Variants in IMMP2L observed in about 807,000 individuals in gnomAD.
The protein encoded by IMMP2L is mitochondrial inner membrane protease subunit 2.
A neutral mutation model predicts 19.3 loss-of-function variants in IMMP2L; 18 were observed. The ratio of observed to expected loss-of-function variants is 0.93; its 90% confidence interval spans 0.64 to 1.38. The LOEUF (loss-of-function observed/expected upper bound fraction) is 1.38. Ranked by LOEUF, IMMP2L falls within the 40% of genes most tolerant of loss-of-function variation. The pLI, the probability that IMMP2L is intolerant of heterozygous loss-of-function variation, is 0.00. For missense variants in IMMP2L, 233 were observed against 218.2 expected, an observed-to-expected ratio of 1.07 and a Z score of -0.43; for synonymous variants, 76 against 73.0, an observed-to-expected ratio of 1.04 and a Z score of -0.21.
At chr7:111,322,319 T>TTGACC (rs1206405270) in intron 3 of IMMP2L, among the ~76,000 whole-genome samples, 1 of 151,952 alleles carries the variant, frequency 6.6e-6, no homozygotes, top group African/African-American at 2.4e-5. Context: ...TGAGGTCGAA[T>TTGACC]TGACCCCATG....
rs536066112 is a variant in IMMP2L, at chr7:110,848,970, T to C, written c.408+37623A>G. On this transcript the variant is annotated intron_variant, in intron 5 of 5. Transcript: ENST00000405709. The stretch of plus-strand genomic sequence containing the variant: ...AGGGATTTTTAGGGCAGTGAAACTA[T>C]TCTGTATGATACCACAATGAGGGAT... Among the ~76,000 whole-genome samples, 16 of 152,234 alleles carry C rather than the reference T, an allele frequency of 1.1e-4. 1 individual carries two copies. The South Asian group carries it at 2.1e-3, about 20-fold the overall frequency.
rs142227571 is a variant in IMMP2L, at chr7:111,303,700, C to T, written c.239+183538G>A. On this transcript the variant is annotated intron_variant, in intron 3 of 5. Transcript: ENST00000405709. Reference sequence around the variant, plus strand: ...GAGTTGACAGTTTTTGAATATTAAGCTTCCCAAAGATATGGGCTTCACACA... The same window carrying T: ...GAGTTGACAGTTTTTGAATATTAAGTTTCCCAAAGATATGGGCTTCACACA... 3.6e-3 allele frequency among the ~76,000 whole-genome samples: 548 copies of T among 152,152 alleles called. 8 individuals carry two copies. The highest frequency in any genetic ancestry group is 0.012 in the African/African-American group (493 of 41,524).
chr7:111,475,932 A>G (rs1841681466), intron 3 of IMMP2L, among the ~76,000 whole-genome samples: 1 of 152,122 alleles, frequency 6.6e-6, no homozygotes, highest in Admixed American at 6.6e-5. Flanking sequence ...GTGCCAATAT[A>G]GCTCTTCTTT....
chr7:111,295,841 A>G (rs939007466), intron 3 of IMMP2L, among the ~76,000 whole-genome samples: 12 of 151,834 alleles, frequency 7.9e-5, no homozygotes, highest in Non-Finnish European at 1.0e-4. Context: ...GAGGTTCGAT[A>G]ATAAAAATGT....
intron 3 of IMMP2L, among the ~76,000 whole-genome samples, chr7:111,314,401 C>CA (rs1823830117): frequency 6.6e-6 from 1 of 151,984 alleles, no homozygotes; most frequent in South Asian, 2.1e-4. Flanking sequence ...GTTAGACAGG[C>CA]AAAAGGTGAG....
chr7:111,204,947 A>C (rs890967618), intron 3 of IMMP2L, among the ~76,000 whole-genome samples: 1 of 152,202 alleles, frequency 6.6e-6, no homozygotes, highest in African/African-American at 2.4e-5. Flanking sequence ...ATCTTAGTCC[A>C]TTCCTCCTGC....
intron 5 of IMMP2L, among the ~76,000 whole-genome samples, chr7:110,810,361 A>G (rs1801952704): frequency 1.3e-5 from 2 of 152,100 alleles, no homozygotes; most frequent in South Asian, 4.1e-4. Flanking sequence ...CTGAAGAAAT[A>G]GTTATAATCA....
intron 3 of IMMP2L, among the ~76,000 whole-genome samples, chr7:111,199,651 T>A (rs2129615019): frequency 6.6e-6 from 1 of 152,298 alleles, no homozygotes; most frequent in East Asian, 1.9e-4. Flanking sequence ...AAGCTTTATC[T>A]TTCACTATCA....
intron 3 of IMMP2L, among the ~76,000 whole-genome samples, chr7:111,320,906 T>C (rs1227660750): frequency 2.6e-5 from 4 of 152,008 alleles, no homozygotes; most frequent in Non-Finnish European, 5.9e-5. Context: ...AAGCAACTTA[T>C]TCATATTTGT....
intron 3 of IMMP2L, among the ~76,000 whole-genome samples, chr7:111,321,319 C>G: frequency 6.6e-6 from 1 of 151,842 alleles, no homozygotes; most frequent in East Asian, 1.9e-4. Flanking sequence ...GAATTATAAT[C>G]AAAATCCTGC....
intron 1 of IMMP2L, among the ~76,000 whole-genome samples, chr7:111,554,890 T>C (rs907461336): frequency 7.9e-5 from 12 of 152,096 alleles, no homozygotes; most frequent in African/African-American, 2.7e-4. Flanking sequence ...CTGGTGCTGC[T>C]TTATTTATAT....
chr7:110,862,753 T>C (rs1807579506), intron 5 of IMMP2L, among the ~76,000 whole-genome samples: 1 of 152,072 alleles, frequency 6.6e-6, no homozygotes, highest in South Asian at 2.1e-4. Context: ...TTCAGGTCTT[T>C]TGTGAACATA....
At chr7:111,544,331 C>T (rs1231692076) in intron 1 of IMMP2L, among the ~76,000 whole-genome samples, 1 of 151,944 alleles carries the variant, frequency 6.6e-6, no homozygotes, top group African/African-American at 2.4e-5. Flanking sequence ...ACCAACATGG[C>T]ACATGTATAC....
At chr7:110,764,517 C>G (rs1029041429) in intron 5 of IMMP2L, among the ~76,000 whole-genome samples, 5 of 152,186 alleles carry the variant, frequency 3.3e-5, no homozygotes, top group African/African-American at 9.6e-5. Context: ...CACGATTGAG[C>G]TTTTAAATAA....
intron 3 of IMMP2L, among the ~76,000 whole-genome samples, chr7:111,398,343 G>C (rs1325155330): frequency 6.6e-6 from 1 of 152,058 alleles, no homozygotes; most frequent in Non-Finnish European, 1.5e-5. Flanking sequence ...CAATAACTGT[G>C]ATACACCATA....
chr7:111,469,320 C>T (rs1840989960), intron 3 of IMMP2L, among the ~76,000 whole-genome samples: 1 of 152,056 alleles, frequency 6.6e-6, no homozygotes, highest in Non-Finnish European at 1.5e-5. Flanking sequence ...ATGGGGATGG[C>T]ACTGAATCTA....
At chr7:110,786,163 T>C (rs1800061764) in intron 5 of IMMP2L, among the ~76,000 whole-genome samples, 1 of 152,004 alleles carries the variant, frequency 6.6e-6, no homozygotes, top group African/African-American at 2.4e-5. Context: ...AACAGCTTCA[T>C]ATAAAGAAAT....
chr7:110,782,570 C>T (rs1362008652), intron 5 of IMMP2L, among the ~76,000 whole-genome samples: 2 of 151,740 alleles, frequency 1.3e-5, no homozygotes, highest in Non-Finnish European at 2.9e-5. Flanking sequence ...CAGTTTGACA[C>T]AGTAGTCTCT....
intron 4 of IMMP2L, among the ~76,000 whole-genome samples, chr7:110,953,476 T>C (rs1240721312): frequency 6.6e-6 from 1 of 152,166 alleles, no homozygotes; most frequent in South Asian, 2.1e-4. Flanking sequence ...GCTTCATCCA[T>C]GTCCCTGCAA....
Sources: gnomAD v4.1 joint callset for allele counts (sites outside exome capture counted in the v4.1 genomes callset) on GRCh38, gnomAD v4.1.1 for gene constraint, MANE v1.5 for transcripts, NCBI Gene and HGNC (gene_info 2026-07-23, HGNC 2026-07-21) for gene names.